COL9A3: variants seen among roughly 807,000 people sequenced by gnomAD.
COL9A3 encodes collagen type IX alpha 3 chain.
A neutral mutation model predicts 110.2 loss-of-function variants in COL9A3; 82 were observed. The observed-to-expected ratio is 0.74, with a 90% CI of 0.62 to 0.89. The LOEUF is 0.89. COL9A3 is among the 40% of genes least tolerant of loss of function. COL9A3 has a pLI of 0.00. For missense variants in COL9A3, 1,066 were observed against 981.3 expected (o/e 1.09, Z -1.15); for synonymous variants, 494 against 403.8 (o/e 1.22, Z -2.68).
Position 62,840,771 on chromosome 20 carries a change from G to GCAAAA in COL9A3, c.*41_*42insAAACA. On this transcript the variant is annotated 3_prime_UTR_variant, in exon 32 of 32. Coordinates refer to ENST00000649368, the MANE Select transcript of COL9A3 (RefSeq NM_001853.4). Reference sequence around the variant, plus strand: ...GAAGCAAGTGACAAGGACGCCCGAAGCACAGTGGACGGTCATGAAGGAGCG... The same window carrying GCAAAA: ...GAAGCAAGTGACAAGGACGCCCGAAGCAAAACACAGTGGACGGTCATGAAGGAGCG... 2.6e-6 allele frequency: 4 copies of GCAAAA among 1,550,126 alleles called. No individual in the cohort carries two copies. In the East Asian group the frequency reaches 9.8e-5, roughly 38 times the overall value.
rs1162996267 is a variant in COL9A3 at position 62,827,938 on chromosome 20, A to C, written c.862A>C (p.Lys288Gln). The C allele has an allele frequency of 6.2e-7, 1 of 1,612,850 alleles. No individual in the cohort carries two copies. Among genetic ancestry groups the C allele is most frequent in the Non-Finnish European group, 8.5e-7 (1 of 1,180,008 alleles). ...PKGDLGRPGP[K>Q]GTPGVAGPSG... ...TGTCCTCTAGGGCAGACCTGGTCCCAAGGGAACCCCCGGAGTGGCCGGGCC... is the reference window on the plus strand; with the variant it reads ...TGTCCTCTAGGGCAGACCTGGTCCCCAGGGAACCCCCGGAGTGGCCGGGCC... Residue 288 changes from lysine (K) to glutamine (Q), a missense_variant, in exon 17 of 32, where the codon AAG (lysine) becomes CAG (glutamine). By Grantham distance (53) the Lys-to-Gln change is moderately conservative (BLOSUM62 1). Transcript: ENST00000649368.
At chr20:62,816,927 C>A (rs1375787824), upstream of COL9A3, 17 of 390,206 alleles carry the variant, frequency 4.4e-5, no homozygotes, top group Non-Finnish European at 6.8e-5. Context: ...GGAAGCCCCC[C>A]CGCCCAGGTG....
chr20:62,818,195 T>C (rs1000969299), intron 2 of COL9A3, among the ~76,000 whole-genome samples: 1 of 152,164 alleles, frequency 6.6e-6, no homozygotes, highest in African/African-American at 2.4e-5. Flanking sequence ...CCTCAGGGCC[T>C]GTCCACGCTG....
chr20:62,826,433 G>T (rs1466514941), intron 14 of COL9A3, among the ~76,000 whole-genome samples, 176 bp downstream of exon 14: 1 of 152,216 alleles, frequency 6.6e-6, no homozygotes, highest in East Asian at 1.9e-4. Context: ...GCATGTGCCT[G>T]GGCGAGAGCT....
intron 25 of COL9A3, chr20:62,832,711 T>G: frequency 7.8e-6 from 2 of 257,828 alleles, no homozygotes; most frequent in Non-Finnish European, 1.3e-5. Flanking sequence ...TGCTCTCACT[T>G]CTAGGCACAA....
At position 62,829,781 on chromosome 20, in the gene COL9A3, C is replaced by T; in HGVS notation, c.1123C>T (p.Pro375Ser). 1 of 1,589,266 alleles carries T rather than the reference C, an allele frequency of 6.3e-7. No individual in the cohort carries two copies. Among genetic ancestry groups the T allele is most frequent in the Non-Finnish European group, 8.6e-7 (1 of 1,168,308 alleles). ...TTCCCTGTAGGGAGATGCTGGCATG[C>T]CTGGGGAGCGCGGTGAGGCTGGCCA... ...EPGVPGDAGM[P>S]GERGEAGHRG... The change falls in exon 22 of 32, where the codon CCT (proline) becomes TCT (serine). Residue 375 changes from proline (P) to serine (S), a missense_variant. Physicochemically the swap from Pro to Ser is moderately conservative, Grantham distance 74. Coordinates refer to ENST00000649368, the MANE Select transcript of COL9A3 (RefSeq NM_001853.4).
intron 21 of COL9A3, 34 bp from the exon 22 acceptor site, chr20:62,829,732 C>A: frequency 6.3e-7 from 1 of 1,595,758 alleles, no homozygotes; most frequent in South Asian, 1.1e-5. Flanking sequence ...TGTGTGCAGA[C>A]CCTGCCCTGA....
Position 62,829,684 on chromosome 20 carries a change from G to T in COL9A3, c.1107+3G>T. The T allele has an allele frequency of 6.2e-7, 1 of 1,608,016 alleles. No individual in the cohort carries two copies. Among genetic ancestry groups the T allele is most frequent in the Admixed American group, 1.7e-5 (1 of 59,218 alleles). On this transcript the variant is annotated splice_donor_region_variant and intron_variant, in intron 21 of 31. Transcript: ENST00000649368. ...CCTCTGGAGAGCCAGGCGTCCCTGTGAGTATCTGCGGCGCCCCAGACCCCT... is the reference window on the plus strand; with the variant it reads ...CCTCTGGAGAGCCAGGCGTCCCTGTTAGTATCTGCGGCGCCCCAGACCCCT...
intron 5 of COL9A3, among the ~76,000 whole-genome samples, chr20:62,820,898 G>A (rs2063507558): frequency 6.6e-6 from 1 of 152,170 alleles, no homozygotes; most frequent in Non-Finnish European, 1.5e-5. Flanking sequence ...CTTCCTGGTG[G>A]AGACAGGCAC....
rs925522220 is a variant in COL9A3, at chr20:62,829,041, T to G, written c.1008+65T>G. ...GCTTCTGCCTGCTCAGTGGCCCATG[T>G]TGGGCTGGGTGGGTTGGTCACTGTA... On this transcript the variant is annotated intron_variant, in intron 19 of 31. Transcript: ENST00000649368. 16 of 1,519,176 alleles carry G rather than the reference T, an allele frequency of 1.1e-5. No individual in the cohort carries two copies. The African/African-American group carries it at 1.4e-4, about 13-fold the overall frequency. The allele number at this position is 1,519,176 out of a possible 1,614,324, so 94.1% of individuals were successfully genotyped here.
chr20:62,833,012 G>A lies in COL9A3; in HGVS notation c.1324-8G>A, dbSNP rs748744229. The A allele has an allele frequency of 9.3e-6, 15 of 1,613,516 alleles. No homozygotes were observed. Among genetic ancestry groups the A allele is most frequent in the East Asian group, 2.2e-5 (1 of 44,888 alleles). On this transcript the variant is annotated splice_polypyrimidine_tract_variant and splice_region_variant and intron_variant, in intron 25 of 31. Transcript: ENST00000649368. ...AGCTCTTTTAACTTTGGGGTGTATCGTTTTCAGGGTATTGCAGGTTCCGAC... is the reference window on the plus strand; with the variant it reads ...AGCTCTTTTAACTTTGGGGTGTATCATTTTCAGGGTATTGCAGGTTCCGAC...
chr20:62,828,987 G>A lies in COL9A3; in HGVS notation c.1008+11G>A, dbSNP rs1015475565. 12 of 1,593,484 alleles carry A rather than the reference G, an allele frequency of 7.5e-6. No homozygotes were observed. The highest frequency in any genetic ancestry group is 1.0e-5 in the Non-Finnish European group (12 of 1,172,766). ...CCCAACGGGCTGCCGGTGAGTGCCC[G>A]GCGGGTGGGGCCAGCCTGGGGCGCC... On this transcript the variant is annotated intron_variant, in intron 19 of 31. Transcript: ENST00000649368.
intron 3 of COL9A3, 140 bp from the exon 4 acceptor site, chr20:62,819,082 A>C: frequency 1.1e-6 from 1 of 870,740 alleles, no homozygotes; most frequent in Non-Finnish European, 1.9e-6. Flanking sequence ...GGTCTGCCAG[A>C]CAGTAGGGGG....
chr20:62,822,561 G>A, intron 9 of COL9A3, 30 bp from the exon 10 acceptor site: 1 of 1,611,256 alleles, frequency 6.2e-7, no homozygotes, highest in East Asian at 2.2e-5. Context: ...GGGAGGGCGG[G>A]AGAATGTCAG....
At chr20:62,830,051 C>T (rs6122317) in intron 22 of COL9A3, among the ~76,000 whole-genome samples, 1 of 152,176 alleles carries the variant, frequency 6.6e-6, no homozygotes. Context: ...TGAGCCCAGC[C>T]TTGTGCCCCC....
intron 31 of COL9A3, among the ~76,000 whole-genome samples, chr20:62,839,530 A>G (rs531817285): frequency 6.6e-6 from 1 of 152,320 alleles, no homozygotes; most frequent in African/African-American, 2.4e-5. Flanking sequence ...GTGTGTGTCC[A>G]GATGAGAAGG....
At chr20:62,822,665 G>A (rs1289972419) in intron 10 of COL9A3, 33 bp downstream of exon 10, 5 of 1,604,402 alleles carry the variant, frequency 3.1e-6, no homozygotes, top group African/African-American at 1.3e-5. Context: ...TAAGGGTGCT[G>A]GGGGGTGCCT....
chr20:62,835,929 C>A lies in COL9A3; in HGVS notation c.1377C>A (p.Ser459Arg). The change falls in exon 27 of 32, where the codon AGC (serine) becomes AGA (arginine). Residue 459 changes from serine to arginine, a missense_variant. Transcript: ENST00000649368. ...AACTTTTCTCTTCACAGGGTCCCAG[C>A]GGCCTGGTCGGACCCAAAGGAGAGG... ...LPGDKGELGP[S>R]GLVGPKGESG... 2.5e-6 allele frequency: 4 copies of A among 1,614,222 alleles called. No individual in the cohort carries two copies. The highest frequency in any genetic ancestry group is 3.4e-6 in the Non-Finnish European group (4 of 1,180,040).
chr20:62,835,844 T>A (rs2063630509), intron 26 of COL9A3, 77 bp from the exon 27 acceptor site: 4 of 1,477,140 alleles, frequency 2.7e-6, no homozygotes, highest in Non-Finnish European at 3.8e-6. Flanking sequence ...TGATTTGATT[T>A]ATTTTATCCT....
Sources: allele counts gnomAD v4.1 joint callset (sites outside exome capture counted in the v4.1 genomes callset), GRCh38; gene constraint gnomAD v4.1.1; transcripts MANE v1.5; gene names NCBI Gene and HGNC (gene_info 2026-07-23, HGNC 2026-07-21).